ITGA9: variants seen among roughly 807,000 people sequenced by gnomAD.
The protein encoded by ITGA9 is integrin alpha-9.
In ITGA9, 56 loss-of-function variants were observed where a neutral mutation model predicts 127.8. The ratio of observed to expected loss-of-function variants is 0.44; its 90% CI spans 0.35 to 0.55. The LOEUF is 0.55. Ranked by LOEUF, ITGA9 falls within the 20% of genes least tolerant of loss-of-function variation. The probability of loss-of-function intolerance (pLI) is 0.00; values close to 1 mark genes in which losing one functional copy is unlikely to be tolerated. For synonymous variants in ITGA9, 508 were observed against 514.5 expected (o/e 0.99, Z 0.17); for missense variants, 1,196 against 1,347.1 (o/e 0.89, Z 1.76).
rs143226773 is a variant in ITGA9 at position 37,514,501 on chromosome 3, G to A, written c.1035+601G>A. Among the ~76,000 whole-genome samples the A allele has an allele frequency of 4.6e-3, 697 of 152,312 alleles. 4 individuals are homozygous for A. The highest frequency in any genetic ancestry group is 0.014 in the Middle Eastern group (4 of 294). On this transcript the variant is annotated intron_variant, in intron 9 of 27. Transcript: ENST00000264741. ...TGCAGAGCTGGGCAAGTGGGTTGGG[G>A]TGTGAGGTGGCATCACCACTCATTT...
At chr3:37,756,510 T>A (rs1215211303) in intron 23 of ITGA9, among the ~76,000 whole-genome samples, 1 of 152,188 alleles carries the variant, frequency 6.6e-6, no homozygotes, top group East Asian at 1.9e-4. Context: ...CAAGACAGAA[T>A]GAGTCAGAAT....
chr3:37,454,987 G>A (rs1480929901), intron 1 of ITGA9, among the ~76,000 whole-genome samples: 1 of 152,166 alleles, frequency 6.6e-6, no homozygotes. Context: ...TGAAACTTAA[G>A]CCAAAGGATT....
chr3:37,730,615 C>T (rs914650410), intron 18 of ITGA9, among the ~76,000 whole-genome samples: 2 of 152,136 alleles, frequency 1.3e-5, no homozygotes, highest in Non-Finnish European at 1.5e-5. Flanking sequence ...ACGAGGACAG[C>T]GATTAACATC....
chr3:37,476,795 A>G (rs1013110558), intron 3 of ITGA9, among the ~76,000 whole-genome samples: 11 of 152,222 alleles, frequency 7.2e-5, no homozygotes, highest in African/African-American at 2.7e-4. Context: ...TTTTGTGGCC[A>G]TATGTCCCCT....
chr3:37,732,943 G>A, intron 19 of ITGA9, 145 bp downstream of exon 19: 1 of 701,822 alleles, frequency 1.4e-6, no homozygotes, highest in Non-Finnish European at 2.6e-6. Context: ...GCCCTGACAT[G>A]CTCCTGTCCC....
chr3:37,562,850 C>G (rs1250612217), intron 15 of ITGA9, among the ~76,000 whole-genome samples: 2 of 151,972 alleles, frequency 1.3e-5, no homozygotes, highest in East Asian at 1.9e-4. Context: ...ATTAATGAGC[C>G]AAACAGTCCA....
At chr3:37,681,992 G>T (rs1477553232) in intron 17 of ITGA9, among the ~76,000 whole-genome samples, 1 of 152,212 alleles carries the variant, frequency 6.6e-6, no homozygotes, top group Non-Finnish European at 1.5e-5. Context: ...GGCGAGAACA[G>T]TCATTCATCA....
intron 15 of ITGA9, among the ~76,000 whole-genome samples, chr3:37,563,934 A>G (rs1699520788): frequency 6.6e-6 from 1 of 152,246 alleles, no homozygotes; most frequent in Non-Finnish European, 1.5e-5. Context: ...CATAAAGAAT[A>G]TTATTCTTCA....
intron 18 of ITGA9, among the ~76,000 whole-genome samples, chr3:37,690,354 TCTGATGC>T: frequency 6.6e-6 from 1 of 152,262 alleles, no homozygotes; most frequent in African/African-American, 2.4e-5. Context: ...ATTTTAGAAA[TCTGATGC>T]CTGCTGTTAC....
At chr3:37,568,508 G>A (rs1003799604) in intron 15 of ITGA9, among the ~76,000 whole-genome samples, 8 of 152,112 alleles carry the variant, frequency 5.3e-5, no homozygotes, top group South Asian at 2.1e-4. Flanking sequence ...CTTTTCTATC[G>A]CATTGTCAGG....
At chr3:37,511,397 C>CA (rs1698903065) in intron 8 of ITGA9, among the ~76,000 whole-genome samples, 1 of 152,116 alleles carries the variant, frequency 6.6e-6, no homozygotes, top group African/African-American at 2.4e-5. Flanking sequence ...ATTGAATTAA[C>CA]GGAGTATGTG....
chr3:37,661,171 T>C (rs1050348285), intron 17 of ITGA9, among the ~76,000 whole-genome samples: 1 of 152,240 alleles, frequency 6.6e-6, no homozygotes, highest in Non-Finnish European at 1.5e-5. Flanking sequence ...AAGGTAGCCC[T>C]GTCTCTTATC....
chr3:37,491,168 G>A (rs969815134), intron 4 of ITGA9, among the ~76,000 whole-genome samples: 1 of 151,874 alleles, frequency 6.6e-6, no homozygotes, highest in East Asian at 1.9e-4. Context: ...TAGAGATGGG[G>A]GTCTCACTTT....
chr3:37,620,519 A>C (rs1190818959), intron 15 of ITGA9, among the ~76,000 whole-genome samples: 5 of 152,114 alleles, frequency 3.3e-5, no homozygotes, highest in Admixed American at 6.6e-5. Flanking sequence ...TGCAAGGTTG[A>C]TTCTGTCATC....
At chr3:37,518,653 C>T (rs1233435066) in intron 10 of ITGA9, among the ~76,000 whole-genome samples, 8 of 151,454 alleles carry the variant, frequency 5.3e-5, no homozygotes, top group Non-Finnish European at 7.4e-5. Context: ...AATTATGGCA[C>T]GTAGTTTATA....
rs775282230 is a variant in ITGA9 at position 37,471,132 on chromosome 3, G to T, written c.311G>T (p.Arg104Leu). Residue 104 changes from arginine to leucine, a missense_variant and splice_region_variant, in exon 2 of 28, where the codon CGA (arginine) becomes CTA (leucine). Arg to Leu is a moderately radical substitution (Grantham distance 102). Coordinates refer to ENST00000264741, the MANE Select transcript of ITGA9 (RefSeq NM_002207.3). ...AGATGCACCGAACTGGACATGGCTC[G>T]AGGTGGGTGACCATTACTGCTGTGG... is the stretch of plus-strand genomic sequence containing the variant. ...DRRCTELDMA[R>L]GKNRGTSCGK... 3.4e-5 allele frequency: 55 copies of T among 1,613,796 alleles called. 1 individual carries two copies. In the Middle Eastern group the frequency reaches 3.5e-3, roughly 101 times the overall value.
At position 37,758,894 on chromosome 3, in the gene ITGA9, T is replaced by C. The variant is rs536184251; in HGVS notation, c.2541+8325T>C. Among the ~76,000 whole-genome samples, 3 of 152,102 alleles carry C rather than the reference T, an allele frequency of 2.0e-5. No homozygotes were observed. In the East Asian group the frequency reaches 5.8e-4, roughly 29 times the overall value. On this transcript the variant is annotated intron_variant, in intron 23 of 27. Coordinates refer to ENST00000264741, the MANE Select transcript of ITGA9 (RefSeq NM_002207.3). ...TAAACTGCCTGATCTTCAAATGCTTTCCCCAGAGACACACACAGACCCACC... is the reference window on the plus strand; with the variant it reads ...TAAACTGCCTGATCTTCAAATGCTTCCCCCAGAGACACACACAGACCCACC...
At chr3:37,703,126 C>T (rs900407995) in intron 18 of ITGA9, among the ~76,000 whole-genome samples, 1 of 152,094 alleles carries the variant, frequency 6.6e-6, no homozygotes, top group Non-Finnish European at 1.5e-5. Flanking sequence ...CAGACAGGTC[C>T]CCCCCTTTTT....
chr3:37,803,827 T>C lies in ITGA9; in HGVS notation c.2894T>C (p.Val965Ala). 1 of 1,613,980 alleles carries C rather than the reference T, an allele frequency of 6.2e-7. No individual in the cohort carries two copies. The highest frequency in any genetic ancestry group is 8.5e-7 in the Non-Finnish European group (1 of 1,179,960). The change falls in exon 27 of 28, where the codon GTC becomes GCC. Residue 965 changes from valine (V) to alanine (A), a missense_variant. Transcript: ENST00000264741. Reference sequence around the variant, plus strand: ...CACTGTTGCGTTGCCTCCTAGGTGGTCTTCGAGGCCCTGCACAATCTGGAG... The same window carrying C: ...CACTGTTGCGTTGCCTCCTAGGTGGCCTTCGAGGCCCTGCACAATCTGGAG... ...AHGNPEEVTVVFEALHNLEPR... is the reference protein window; with the variant it reads ...AHGNPEEVTVAFEALHNLEPR...
Sources: allele counts gnomAD v4.1 joint callset (sites outside exome capture counted in the v4.1 genomes callset), GRCh38; gene constraint gnomAD v4.1.1; transcripts MANE v1.5; gene names NCBI Gene and HGNC (gene_info 2026-07-23, HGNC 2026-07-21).